The following ABHD17C variants were observed in gnomAD, a reference collection of about 807,000 sequenced individuals.
ABHD17C encodes the protein abhydrolase domain containing 17C, depalmitoylase.
ABHD17C carries 11 observed loss-of-function variants against 27.9 expected under a neutral mutation model. The ratio of observed to expected loss-of-function variants is 0.39; its 90% CI spans 0.25 to 0.65. The LOEUF is 0.65. Ranked by LOEUF, ABHD17C falls within the 30% of genes least tolerant of loss-of-function variation. The pLI is 0.45. For missense variants in ABHD17C, 280 were observed against 470.2 expected (o/e 0.60, Z 3.74); for synonymous variants, 233 against 209.1 (o/e 1.11, Z -0.98).
chr15:80,739,782 G>A (rs963049149), intron 1 of ABHD17C, among the ~76,000 whole-genome samples: 8 of 152,156 alleles, frequency 5.3e-5, no homozygotes, highest in Admixed American at 1.3e-4. Context: ...TTCCTTTATA[G>A]CAACACAAAG....
In ABHD17C at chr15:80,749,647, C is replaced by T; in HGVS notation, c.725C>T (p.Ala242Val). 1 of 1,613,988 alleles carries T rather than the reference C, an allele frequency of 6.2e-7. No individual in the cohort carries two copies. Among genetic ancestry groups the T allele is most frequent in the Non-Finnish European group, 8.5e-7 (1 of 1,179,864 alleles). ...HSPLMSGLRV[A>V]FPDTRKTYCF... ...CCTCTGATGTCTGGTTTGCGTGTGG[C>T]TTTTCCGGATACCAGGAAAACATAC... is the stretch of plus-strand genomic sequence containing the variant. The change falls in exon 2 of 3, where the codon GCT (alanine) becomes GTT (valine). Residue 242 changes from alanine to valine, a missense_variant. Around this residue, in one of 2 missense-constraint regions of ABHD17C, gnomAD observed 206 missense variants for 394.7 expected, o/e 0.52. Transcript: ENST00000258884.
intron 1 of ABHD17C, among the ~76,000 whole-genome samples, chr15:80,727,135 G>A (rs530335930): frequency 1.3e-5 from 2 of 152,316 alleles, no homozygotes; most frequent in East Asian, 3.9e-4. Flanking sequence ...GGGGTGTGAT[G>A]AATTCTTAAG....
chr15:80,722,816 G>A (rs867056591), intron 1 of ABHD17C, among the ~76,000 whole-genome samples: 1 of 152,168 alleles, frequency 6.6e-6, no homozygotes, highest in African/African-American at 2.4e-5. Flanking sequence ...CACGTAGCAT[G>A]TGTCTTTCTG....
chr15:80,747,553 A>G (rs1895306863), intron 1 of ABHD17C, among the ~76,000 whole-genome samples: 1 of 152,034 alleles, frequency 6.6e-6, no homozygotes, highest in Non-Finnish European at 1.5e-5. Flanking sequence ...GTGGTCTCTG[A>G]TGTGGATTTG....
chr15:80,749,780 AT>A (rs1368041393), intron 2 of ABHD17C, 88 bp downstream of exon 2: 1 of 1,443,544 alleles, frequency 6.9e-7, no homozygotes, highest in Non-Finnish European at 9.5e-7. Context: ...GTAAATATTT[AT>A]TGAATGCAGC....
At chr15:80,697,628 T>G (rs979815907) in intron 1 of ABHD17C, among the ~76,000 whole-genome samples, 3 of 149,270 alleles carry the variant, frequency 2.0e-5, no homozygotes, top group African/African-American at 7.3e-5. Context: ...CCTGGAAACT[T>G]TTTTTTTTTT....
At chr15:80,744,416 G>A (rs949461544) in intron 1 of ABHD17C, among the ~76,000 whole-genome samples, 8 of 151,932 alleles carry the variant, frequency 5.3e-5, no homozygotes, top group Non-Finnish European at 1.2e-4. Flanking sequence ...TGCTAAAACC[G>A]GGTGTTAGAA....
At chr15:80,725,274 C>T (rs1409493120) in intron 1 of ABHD17C, among the ~76,000 whole-genome samples, 7 of 152,076 alleles carry the variant, frequency 4.6e-5, no homozygotes, top group African/African-American at 9.7e-5. Flanking sequence ...GTCAGCAGAC[C>T]CTTGGAATGG....
At chr15:80,712,365 G>A (rs1406954311) in intron 1 of ABHD17C, among the ~76,000 whole-genome samples, 1 of 152,202 alleles carries the variant, frequency 6.6e-6, no homozygotes, top group East Asian at 1.9e-4. Flanking sequence ...TCAGGTGGCT[G>A]GTTCAGCCCC....
intron 1 of ABHD17C, among the ~76,000 whole-genome samples, chr15:80,737,317 G>A (rs923430211): frequency 6.6e-6 from 1 of 152,134 alleles, no homozygotes; most frequent in Non-Finnish European, 1.5e-5. Context: ...CTAAATATTA[G>A]TACGGTCTTT....
At chr15:80,752,907 A>T (rs1019434919) in intron 2 of ABHD17C, among the ~76,000 whole-genome samples, 1 of 152,236 alleles carries the variant, frequency 6.6e-6, no homozygotes, top group Non-Finnish European at 1.5e-5. Flanking sequence ...AAAGATCCTC[A>T]AATATTCATC....
intron 1 of ABHD17C, among the ~76,000 whole-genome samples, chr15:80,703,633 A>G (rs1312585214): frequency 6.6e-6 from 1 of 152,160 alleles, no homozygotes; most frequent in Non-Finnish European, 1.5e-5. Flanking sequence ...TGTGCAGTCT[A>G]TGTATATGAG....
Position 80,750,278 on chromosome 15 carries a change from G to T in ABHD17C, c.770+586G>T, listed in dbSNP as rs540779824. On this transcript the variant is annotated intron_variant, in intron 2 of 2. Transcript: ENST00000258884. ...AAATAGCCACAGGAATGGTATAAAT[G>T]AACAAACTCACCTGCCACCCCCTAT... Among the ~76,000 whole-genome samples the T allele has an allele frequency of 7.2e-5, 11 of 152,308 alleles. No individual in the cohort carries two copies. The East Asian group carries it at 2.1e-3, about 29-fold the overall frequency.
chr15:80,732,874 A>G (rs1218149384), intron 1 of ABHD17C, among the ~76,000 whole-genome samples: 1 of 152,218 alleles, frequency 6.6e-6, no homozygotes, highest in Non-Finnish European at 1.5e-5. Context: ...TTCAGTTCAC[A>G]TGTGGCCTTG....
intron 1 of ABHD17C, among the ~76,000 whole-genome samples, chr15:80,735,409 A>G (rs1895116078): frequency 6.6e-6 from 1 of 152,126 alleles, no homozygotes; most frequent in Non-Finnish European, 1.5e-5. Context: ...TACCTGCTAC[A>G]TGCATGTGGG....
intron 1 of ABHD17C, among the ~76,000 whole-genome samples, chr15:80,705,799 G>T (rs1274198331): frequency 6.6e-6 from 1 of 152,200 alleles, no homozygotes; most frequent in Admixed American, 6.5e-5. Context: ...ATGGCCTCAA[G>T]AGCTTTGGAG....
intron 1 of ABHD17C, among the ~76,000 whole-genome samples, chr15:80,721,056 G>A (rs1894891174): frequency 1.3e-5 from 2 of 151,898 alleles, no homozygotes; most frequent in South Asian, 4.2e-4. Context: ...TTTCATAGGT[G>A]TCTTTTATTA....
At chr15:80,707,405 T>C (rs974745453) in intron 1 of ABHD17C, among the ~76,000 whole-genome samples, 5 of 152,172 alleles carry the variant, frequency 3.3e-5, no homozygotes, top group African/African-American at 1.2e-4. Flanking sequence ...AGGAGTTCAG[T>C]TAATGAAAAC....
Position 80,729,200 on chromosome 15 carries a change from G to T in ABHD17C, c.591-20313G>T, listed in dbSNP as rs1213707305. ...TTTCTCTATTTCTGGTTCCTGGGAG[G>T]CCTCACAGAGAGAACCTAGCCAGCA... On this transcript the variant is annotated intron_variant, in intron 1 of 2. Coordinates refer to ENST00000258884, the MANE Select transcript of ABHD17C (RefSeq NM_021214.2). Among the ~76,000 whole-genome samples the T allele has an allele frequency of 2.0e-5, 3 of 152,220 alleles. No individual in the cohort carries two copies. The East Asian group carries it at 5.8e-4, about 29-fold the overall frequency.
Sources: gnomAD v4.1 joint callset for allele counts (sites outside exome capture counted in the v4.1 genomes callset) on GRCh38, gnomAD v4.1.1 for gene constraint, gnomAD v4.1.1 regional missense constraint, MANE v1.5 for transcripts, NCBI Gene and HGNC (gene_info 2026-07-23, HGNC 2026-07-21) for gene names.